Variants in MYO16 observed in about 807,000 individuals in gnomAD.
The protein encoded by MYO16 is myosin XVI.
A neutral mutation model predicts 205.3 loss-of-function variants in MYO16; 94 were observed. The observed-to-expected ratio is 0.46, with a 90% CI of 0.39 to 0.54. The LOEUF (loss-of-function observed/expected upper bound fraction) is 0.54, where lower values mean the gene tolerates loss of function less well. Among genes scored for constraint, MYO16 ranks in the 20% least tolerant of loss-of-function variants. The probability of loss-of-function intolerance (pLI) is 0.00; values close to 1 mark genes in which losing one functional copy is unlikely to be tolerated. For synonymous variants in MYO16, 988 were observed against 954.0 expected (o/e 1.04, Z -0.66); for missense variants, 2,315 against 2,387.5 (o/e 0.97, Z 0.63).
intron 12 of MYO16, among the ~76,000 whole-genome samples, chr13:108,873,963 CAA>C (rs1175947606): frequency 6.6e-6 from 1 of 152,170 alleles, no homozygotes; most frequent in African/African-American, 2.4e-5. Flanking sequence ...AAATCAGAAA[CAA>C]AAATGCATCA....
intron 2 of MYO16, among the ~76,000 whole-genome samples, chr13:108,708,228 TAAC>T (rs1446103476): frequency 6.6e-6 from 1 of 152,186 alleles, no homozygotes; most frequent in African/African-American, 2.4e-5. Context: ...GTGGTGTTGA[TAAC>T]ATAATTTCTA....
At chr13:108,941,896 C>T (rs1882744784) in intron 16 of MYO16, among the ~76,000 whole-genome samples, 1 of 152,070 alleles carries the variant, frequency 6.6e-6, no homozygotes. Flanking sequence ...TATTTTGCTG[C>T]TTTGGTTACT....
At chr13:109,014,477 A>C (rs1223650486) in intron 22 of MYO16, among the ~76,000 whole-genome samples, 2 of 152,082 alleles carry the variant, frequency 1.3e-5, no homozygotes, top group Non-Finnish European at 2.9e-5. Context: ...ATGAACTTTA[A>C]AGTAGTTTTT....
In MYO16 at chr13:108,849,393, G is replaced by A. The variant is rs190715408; in HGVS notation, c.1248+4900G>A. On this transcript the variant is annotated intron_variant, in intron 10 of 34. Coordinates refer to ENST00000457511, the MANE Select transcript of MYO16 (RefSeq NM_001198950.3). The stretch of plus-strand genomic sequence containing the variant: ...TTTAGTAGAGACAGGGTTTCACCAC[G>A]TTAGTCAGGCTGGTCTAGAACTCCT... Among the ~76,000 whole-genome samples, 356 of 152,126 alleles carry A rather than the reference G, an allele frequency of 2.3e-3. 7 individuals are homozygous for A. The highest frequency in any genetic ancestry group is 0.021 in the Admixed American group (323 of 15,276).
chr13:108,851,105 A>G (rs1877840442), intron 10 of MYO16, among the ~76,000 whole-genome samples: 1 of 152,174 alleles, frequency 6.6e-6, no homozygotes, highest in African/African-American at 2.4e-5. Flanking sequence ...CCTGAAGAAA[A>G]CACAAATCTT....
chr13:108,838,690 T>TACAC (rs138108851), intron 9 of MYO16, among the ~76,000 whole-genome samples: 99 of 135,952 alleles, frequency 7.3e-4, no homozygotes, highest in African/African-American at 2.5e-3. Context: ...TATATATATA[T>TACAC]ACACACACAC....
intron 1 of MYO16, among the ~76,000 whole-genome samples, chr13:108,611,519 C>T (rs1051770883): frequency 6.6e-6 from 1 of 152,082 alleles, no homozygotes; most frequent in Non-Finnish European, 1.5e-5. Context: ...TAGAGATTCA[C>T]ATATGAGGAA....
intron 23 of MYO16, among the ~76,000 whole-genome samples, chr13:109,025,967 G>A (rs887918250): frequency 1.3e-5 from 2 of 152,290 alleles, no homozygotes; most frequent in African/African-American, 4.8e-5. Flanking sequence ...ATCTTTGTCT[G>A]AAAGTTGTTT....
At chr13:108,595,691 A>G (rs1405501041), upstream of MYO16, among the ~76,000 whole-genome samples, 2 of 152,052 alleles carry the variant, frequency 1.3e-5, no homozygotes, top group African/African-American at 2.4e-5. Context: ...GATCCTTCCA[A>G]TAAATAACGC....
chr13:108,891,737 T>C (rs911285877), intron 14 of MYO16, among the ~76,000 whole-genome samples: 1 of 152,224 alleles, frequency 6.6e-6, no homozygotes, highest in Non-Finnish European at 1.5e-5. Context: ...TAATTTTATA[T>C]TTAAAAGTGT....
intron 3 of MYO16, among the ~76,000 whole-genome samples, chr13:108,725,731 T>G (rs1417159766): frequency 6.6e-6 from 1 of 152,110 alleles, no homozygotes. Flanking sequence ...AGGGAGGCAT[T>G]CTTTAAAACT....
intron 1 of MYO16, among the ~76,000 whole-genome samples, chr13:108,646,625 T>A (rs983113073): frequency 1.3e-5 from 2 of 152,142 alleles, no homozygotes; most frequent in Admixed American, 1.3e-4. Flanking sequence ...AGCACTAAAT[T>A]CTCCTTCCAT....
At chr13:108,510,469 T>TTTG in the MYO16 span, among the ~76,000 whole-genome samples, 26 of 129,928 alleles carry the variant, frequency 2.0e-4, no homozygotes, top group East Asian at 1.5e-3. Context: ...CTGTTTTTTT[T>TTTG]TTTTTTTTTT....
intron 2 of MYO16, among the ~76,000 whole-genome samples, chr13:108,679,061 T>A (rs532037065): frequency 7.9e-5 from 12 of 152,100 alleles, no homozygotes; most frequent in Non-Finnish European, 1.2e-4. Flanking sequence ...AAACCCCAGG[T>A]AATCACCTCC....
rs1228295979 is a variant in MYO16, at chr13:109,187,505, T to C, written c.5415+7872T>C. 2.0e-5 allele frequency among the ~76,000 whole-genome samples: 3 copies of C among 152,228 alleles called. No homozygotes were observed. In the East Asian group the frequency reaches 5.8e-4, roughly 29 times the overall value. The stretch of plus-strand genomic sequence containing the variant: ...TTTTCTTCCTAATAAAAGCATTTAA[T>C]AGAGTTGTAAATTTCCATCTCAACA... On this transcript the variant is annotated intron_variant, in intron 34 of 34. Coordinates refer to ENST00000457511, the MANE Select transcript of MYO16 (RefSeq NM_001198950.3).
the MYO16 span, among the ~76,000 whole-genome samples, chr13:108,571,283 G>A: frequency 5.3e-5 from 8 of 150,792 alleles, no homozygotes; most frequent in Non-Finnish European, 1.2e-4. Context: ...GCTCAGGACT[G>A]AGGATTAGCC....
At chr13:108,516,429 C>A in the MYO16 span, among the ~76,000 whole-genome samples, 1 of 152,130 alleles carries the variant, frequency 6.6e-6, no homozygotes, top group African/African-American at 2.4e-5. Flanking sequence ...CAGAAATCAC[C>A]CGTCTTCTGC....
At chr13:108,672,686 G>C (rs922452426) in intron 2 of MYO16, among the ~76,000 whole-genome samples, 1 of 152,026 alleles carries the variant, frequency 6.6e-6, no homozygotes, top group Non-Finnish European at 1.5e-5. Flanking sequence ...CCTCTAAAAG[G>C]AAAACTGTCC....
At chr13:109,063,464 A>C (rs1348424818) in intron 27 of MYO16, among the ~76,000 whole-genome samples, 1 of 152,134 alleles carries the variant, frequency 6.6e-6, no homozygotes, top group Non-Finnish European at 1.5e-5. Flanking sequence ...ACAGCTGTGG[A>C]CTTACTGTGT....
Sources: allele counts gnomAD v4.1 joint callset (sites outside exome capture counted in the v4.1 genomes callset), GRCh38; gene constraint gnomAD v4.1.1; transcripts MANE v1.5; gene names NCBI Gene and HGNC (gene_info 2026-07-23, HGNC 2026-07-21).